The following TMEM132C variants were observed in gnomAD, a reference collection of about 807,000 sequenced individuals.
The protein encoded by TMEM132C is protein phosphatase 1, regulatory subunit 152.
Under a neutral mutation model 61.4 loss-of-function variants are expected in TMEM132C, and 29 were observed. The observed-to-expected ratio is 0.47, with a 90% CI of 0.35 to 0.64. The LOEUF is 0.64. TMEM132C is among the 30% of genes least tolerant of loss of function. TMEM132C has a pLI of 0.00. For missense variants in TMEM132C, 1,408 were observed against 1,476.9 expected (o/e 0.95, Z 0.76); for synonymous variants, 656 against 633.1 (o/e 1.04, Z -0.54).
intron 1 of TMEM132C, among the ~76,000 whole-genome samples, chr12:128,279,489 CTG>C (rs1188628499): frequency 6.6e-6 from 1 of 152,168 alleles, no homozygotes; most frequent in African/African-American, 2.4e-5. Context: ...ATACCACAGT[CTG>C]TGCGGTGATC....
At chr12:128,540,344 C>A (rs556946006) in intron 2 of TMEM132C, among the ~76,000 whole-genome samples, 1 of 152,298 alleles carries the variant, frequency 6.6e-6, no homozygotes, top group Admixed American at 6.5e-5. Context: ...ACCTCTGGCT[C>A]CTGGGTTCAA....
rs551004105 is a variant in TMEM132C, at chr12:128,476,825, C to T, written c.974+61205C>T. Among the ~76,000 whole-genome samples, 147 of 139,680 alleles carry T rather than the reference C, an allele frequency of 1.1e-3. 1 individual carries two copies. Among genetic ancestry groups the T allele is most frequent in the Non-Finnish European group, 1.8e-3 (119 of 66,330 alleles). The allele number at this position is 139,680 out of a possible 152,430, so 91.6% of individuals were successfully genotyped here. Reference sequence around the variant, plus strand: ...GTATTGCACAGCTAGATTTGAGCAGCATTTGATTTTATATTTGCCTACTAT... The same window carrying T: ...GTATTGCACAGCTAGATTTGAGCAGTATTTGATTTTATATTTGCCTACTAT... On this transcript the variant is annotated intron_variant, in intron 2 of 8. Coordinates refer to ENST00000435159, the MANE Select transcript of TMEM132C (RefSeq NM_001136103.3).
chr12:128,688,391 G>A (rs1475246390), intron 5 of TMEM132C, among the ~76,000 whole-genome samples: 1 of 152,112 alleles, frequency 6.6e-6, no homozygotes, highest in African/African-American at 2.4e-5. Context: ...GATCATAACT[G>A]CTGTCCATAG....
chr12:128,533,410 G>T (rs1230537337), intron 2 of TMEM132C, among the ~76,000 whole-genome samples: 1 of 152,182 alleles, frequency 6.6e-6, no homozygotes, highest in Non-Finnish European at 1.5e-5. Context: ...TTCTAGGGCT[G>T]CTGTAACAAA....
At chr12:128,463,444 G>A (rs1810343) in intron 2 of TMEM132C, among the ~76,000 whole-genome samples, 32,243 of 151,882 alleles carry the variant, frequency 0.21, 4,176 homozygotes, top group East Asian at 0.42. Context: ...TCAGCCTCCC[G>A]AGTAGCTGGG....
At chr12:128,644,679 A>G (rs1954182604) in intron 4 of TMEM132C, among the ~76,000 whole-genome samples, 1 of 152,216 alleles carries the variant, frequency 6.6e-6, no homozygotes, top group Admixed American at 6.5e-5. Context: ...TACAGGCTAC[A>G]CAATTGTATA....
At chr12:128,463,659 C>T (rs1236414095) in intron 2 of TMEM132C, among the ~76,000 whole-genome samples, 1 of 151,990 alleles carries the variant, frequency 6.6e-6, no homozygotes, top group Non-Finnish European at 1.5e-5. Flanking sequence ...CCTGGAAGGG[C>T]CTGCCTGGCT....
chr12:128,305,209 C>T (rs1282418434), intron 1 of TMEM132C, among the ~76,000 whole-genome samples: 1 of 151,822 alleles, frequency 6.6e-6, no homozygotes, highest in African/African-American at 2.4e-5. Context: ...TCCATCTCTA[C>T]AATAATAATA....
chr12:128,400,445 C>T, intron 1 of TMEM132C, among the ~76,000 whole-genome samples: 1 of 152,146 alleles, frequency 6.6e-6, no homozygotes, highest in East Asian at 1.9e-4. Flanking sequence ...CCAGTTTGGC[C>T]AGGGGCAGGG....
intron 2 of TMEM132C, among the ~76,000 whole-genome samples, chr12:128,450,193 G>A (rs1356247248): frequency 3.3e-5 from 5 of 152,098 alleles, no homozygotes; most frequent in African/African-American, 1.2e-4. Flanking sequence ...ATTTGACGGA[G>A]GAACTAAACT....
chr12:128,489,586 G>A (rs931652845), intron 2 of TMEM132C, among the ~76,000 whole-genome samples: 1 of 88,782 alleles, frequency 1.1e-5, no homozygotes, highest in Admixed American at 1.1e-4. Context: ...TATATATTCT[G>A]TCCACAACAC....
At chr12:128,404,187 G>A (rs1875260077) in intron 1 of TMEM132C, among the ~76,000 whole-genome samples, 1 of 152,132 alleles carries the variant, frequency 6.6e-6, no homozygotes, top group Admixed American at 6.6e-5. Flanking sequence ...TTGTGCCTGT[G>A]GATTATTTCA....
At chr12:128,365,898 T>A (rs1362587862) in intron 1 of TMEM132C, among the ~76,000 whole-genome samples, 4 of 152,146 alleles carry the variant, frequency 2.6e-5, no homozygotes, top group African/African-American at 9.7e-5. Flanking sequence ...GGGAAGGCTG[T>A]GATTTATACG....
intron 3 of TMEM132C, among the ~76,000 whole-genome samples, chr12:128,569,796 C>T (rs2136170124): frequency 6.6e-6 from 1 of 152,288 alleles, no homozygotes; most frequent in East Asian, 1.9e-4. Context: ...TTTTCATTGT[C>T]TCCAGTTAAA....
intron 4 of TMEM132C, among the ~76,000 whole-genome samples, chr12:128,628,629 T>C (rs754795027): frequency 3.3e-5 from 5 of 152,078 alleles, no homozygotes; most frequent in Admixed American, 2.6e-4. Context: ...GGACACTCTA[T>C]CAGTAGCTTC....
chr12:128,284,829 T>G (rs1364963184), intron 1 of TMEM132C, among the ~76,000 whole-genome samples: 7 of 152,126 alleles, frequency 4.6e-5, no homozygotes, highest in Non-Finnish European at 1.0e-4. Context: ...TGGTATCTCA[T>G]AGAATAGAAG....
At chr12:128,661,570 A>C (rs1239094230) in intron 4 of TMEM132C, among the ~76,000 whole-genome samples, 2 of 152,210 alleles carry the variant, frequency 1.3e-5, no homozygotes, top group African/African-American at 4.8e-5. Flanking sequence ...AAAAAAAAAA[A>C]AAAACCCTGG....
intron 1 of TMEM132C, among the ~76,000 whole-genome samples, chr12:128,303,552 T>G (rs984380169): frequency 6.6e-6 from 1 of 152,232 alleles, no homozygotes; most frequent in Non-Finnish European, 1.5e-5. Context: ...ATATTTGTGT[T>G]TGTCCAATTA....
At chr12:128,510,991 C>T (rs1245569460) in intron 2 of TMEM132C, among the ~76,000 whole-genome samples, 1 of 152,218 alleles carries the variant, frequency 6.6e-6, no homozygotes, top group Non-Finnish European at 1.5e-5. Flanking sequence ...GATAGCTGTT[C>T]CCTTCCAGGT....
Sources: gnomAD v4.1 joint callset for allele counts (sites outside exome capture counted in the v4.1 genomes callset) on GRCh38, gnomAD v4.1.1 for gene constraint, MANE v1.5 for transcripts, NCBI Gene and HGNC (gene_info 2026-07-23, HGNC 2026-07-21) for gene names.